The following NFIL3 variants were observed in gnomAD, a reference collection of about 807,000 sequenced individuals.
NFIL3 encodes the protein nuclear factor, interleukin 3 regulated, also known as nuclear factor interleukin-3-regulated protein.
NFIL3 carries 5 observed loss-of-function variants against 10.0 expected under a neutral mutation model. The observed-to-expected ratio is 0.50, with a 90% confidence interval of 0.26 to 1.06. The LOEUF is 1.06. NFIL3 is among the 50% of genes least tolerant of loss of function. The probability of loss-of-function intolerance (pLI) is 0.13; values close to 1 mark genes in which losing one functional copy is unlikely to be tolerated. For synonymous variants in NFIL3, 202 were observed against 206.5 expected (o/e 0.98, Z 0.19); for missense variants, 436 against 547.6 (o/e 0.80, Z 2.03).
chr9:91,410,918 G>C lies in NFIL3; in HGVS notation c.-172-12C>G. 1 of 511,242 alleles carries C rather than the reference G, an allele frequency of 2.0e-6. No homozygotes were observed. Among genetic ancestry groups the C allele is most frequent in the Non-Finnish European group, 3.4e-6 (1 of 289,910 alleles). The allele number at this position is 511,242 out of a possible 1,614,324, so 31.7% of individuals were successfully genotyped here. ...GCCTCCTTCGTTATCTGCAATACAT[G>C]AATAAAAAAAAAACCAGTTATTCAC... On this transcript the variant is annotated splice_polypyrimidine_tract_variant and intron_variant, in intron 1 of 1. Coordinates refer to ENST00000297689, the MANE Select transcript of NFIL3 (RefSeq NM_005384.3). This position sits in a 1 kb window ranked among gnomAD's most constrained non-coding sequence, Gnocchi z 5.7.
the NFIL3 span, among the ~76,000 whole-genome samples, chr9:91,479,153 C>T: frequency 2.5e-3 from 386 of 152,328 alleles, 2 homozygotes; most frequent in Admixed American, 9.5e-3. Context: ...CAGTCTGTCC[C>T]TTAGCAGAGC....
chr9:91,469,695 G>A, the NFIL3 span, among the ~76,000 whole-genome samples: 3 of 152,124 alleles, frequency 2.0e-5, no homozygotes, highest in Admixed American at 6.6e-5. Flanking sequence ...ATTATTTTGA[G>A]ATACATCCCA....
At chr9:91,434,568 T>C in the NFIL3 span, among the ~76,000 whole-genome samples, 1 of 152,262 alleles carries the variant, frequency 6.6e-6, no homozygotes, top group Non-Finnish European at 1.5e-5. Flanking sequence ...GATAAATATA[T>C]TTAATTAACC....
At chr9:91,415,100 G>C (rs1833628110) in intron 1 of NFIL3, among the ~76,000 whole-genome samples, 1 of 152,088 alleles carries the variant, frequency 6.6e-6, no homozygotes. Context: ...GGGCACAAGG[G>C]GAGACTAGGG....
At chr9:91,419,576 T>C (rs1396783674) in intron 1 of NFIL3, among the ~76,000 whole-genome samples, 1 of 152,222 alleles carries the variant, frequency 6.6e-6, no homozygotes, top group Non-Finnish European at 1.5e-5. Flanking sequence ...AGGTGCAAAT[T>C]TCCCCATCTG....
At chr9:91,412,269 T>C (rs1470387078) in intron 1 of NFIL3, among the ~76,000 whole-genome samples, 2 of 152,096 alleles carry the variant, frequency 1.3e-5, no homozygotes, top group African/African-American at 4.8e-5. Context: ...TCAAGTAAAA[T>C]ATAACAACTC....
the NFIL3 span, among the ~76,000 whole-genome samples, chr9:91,468,486 T>G: frequency 1.3e-5 from 2 of 152,192 alleles, no homozygotes; most frequent in African/African-American, 4.8e-5. Context: ...ATTCTGTAGG[T>G]TGCCTGTTCA....
In NFIL3 at chr9:91,409,324, C is replaced by T. The variant is rs1396558906; in HGVS notation, c.*22G>A. 1 of 1,528,044 alleles carries T rather than the reference C, an allele frequency of 6.5e-7. No individual in the cohort carries two copies. The highest frequency in any genetic ancestry group is 8.8e-7 in the Non-Finnish European group (1 of 1,140,736). 94.7% of individuals were successfully genotyped at this position (1,528,044 alleles called of 1,614,324 possible). Reference sequence around the variant, plus strand: ...TTGCAAATGACATCTTTCTAAATGCCCAGCTCTTACTCAGTAGTAATTTAC... The same window carrying T: ...TTGCAAATGACATCTTTCTAAATGCTCAGCTCTTACTCAGTAGTAATTTAC... On this transcript the variant is annotated 3_prime_UTR_variant, in exon 2 of 2. Transcript: ENST00000297689.
intron 1 of NFIL3, among the ~76,000 whole-genome samples, chr9:91,414,007 C>G (rs2117975053): frequency 6.6e-6 from 1 of 152,166 alleles, no homozygotes; most frequent in East Asian, 1.9e-4. Flanking sequence ...GTTACTCTTC[C>G]TAAACTTCTA....
intron 1 of NFIL3, among the ~76,000 whole-genome samples, chr9:91,420,944 G>A (rs1306681107): frequency 6.6e-6 from 1 of 152,098 alleles, no homozygotes; most frequent in Admixed American, 6.5e-5. Flanking sequence ...CCAAAGTCAA[G>A]CTGAGGCCTT....
chr9:91,425,444 C>G (rs998791108), upstream of NFIL3, among the ~76,000 whole-genome samples: 6 of 152,102 alleles, frequency 3.9e-5, no homozygotes, highest in African/African-American at 1.4e-4. Context: ...CACTCTTGTT[C>G]GTGATTTATC....
chr9:91,409,583 T>C lies in NFIL3; in HGVS notation c.1152A>G (p.Gln384=), dbSNP rs949861710. 7.4e-6 allele frequency: 12 copies of C among 1,614,112 alleles called. No homozygotes were observed. The highest frequency in any genetic ancestry group is 4.5e-5 in the East Asian group (2 of 44,898). Residue 384 remains glutamine, a synonymous_variant, in exon 2 of 2, where the codon CAA becomes CAG. Transcript: ENST00000297689. ...VHSSLTPFSV[Q]VTNIQDWSLK... is the part of the protein sequence containing the mutation. ...GAGACCAATCTTGAATGTTAGTCAC[T>C]TGCACTGAGAAAGGAGTAAGAGAAG...
At chr9:91,430,722 T>G in the NFIL3 span, among the ~76,000 whole-genome samples, 1 of 152,196 alleles carries the variant, frequency 6.6e-6, no homozygotes, top group Non-Finnish European at 1.5e-5. Flanking sequence ...CATAGCTCAC[T>G]GCAGCCTTGA....
At chr9:91,471,898 G>C in the NFIL3 span, among the ~76,000 whole-genome samples, 1 of 152,144 alleles carries the variant, frequency 6.6e-6, no homozygotes, top group Non-Finnish European at 1.5e-5. Flanking sequence ...AGACAGGCCT[G>C]GTGGTGACAA....
the NFIL3 span, among the ~76,000 whole-genome samples, chr9:91,456,857 A>G: frequency 6.6e-6 from 1 of 152,002 alleles, no homozygotes; most frequent in Non-Finnish European, 1.5e-5. Context: ...TCCATTTTGA[A>G]TTAACATTTT....
chr9:91,414,643 G>A (rs1833617661), intron 1 of NFIL3, among the ~76,000 whole-genome samples: 1 of 152,168 alleles, frequency 6.6e-6, no homozygotes, highest in Non-Finnish European at 1.5e-5. Context: ...TCATCTGTAT[G>A]TATTACATTC....
At chr9:91,431,866 C>T in the NFIL3 span, among the ~76,000 whole-genome samples, 1,324 of 152,264 alleles carry the variant, frequency 8.7e-3, 19 homozygotes, top group African/African-American at 0.029. Flanking sequence ...CTCTGCAAGT[C>T]CCAGTGTGTC....
the NFIL3 span, among the ~76,000 whole-genome samples, chr9:91,450,217 C>T: frequency 1.3e-5 from 2 of 151,918 alleles, no homozygotes; most frequent in Non-Finnish European, 2.9e-5. Flanking sequence ...TGCTATCTAA[C>T]CTTTATTCTT....
intron 1 of NFIL3, 108 bp from the exon 2 acceptor site, chr9:91,411,014 A>G (rs926634775): frequency 4.6e-6 from 2 of 434,410 alleles, no homozygotes; most frequent in Non-Finnish European, 8.4e-6. Flanking sequence ...AGCACAGATG[A>G]GGCATGGCCA....
Sources: allele counts gnomAD v4.1 joint callset (sites outside exome capture counted in the v4.1 genomes callset), GRCh38; gene constraint gnomAD v4.1.1; non-coding constraint Gnocchi (gnomAD v3.1); transcripts MANE v1.5; gene names NCBI Gene and HGNC (gene_info 2026-07-23, HGNC 2026-07-21).